PABPC4L: variants seen among roughly 807,000 people sequenced by gnomAD.
The protein encoded by PABPC4L is polyadenylate-binding protein 4-like.
For missense variants in PABPC4L, 452 were observed against 451.4 expected (o/e 1.00, Z -0.01); for synonymous variants, 169 against 164.1 (o/e 1.03, Z -0.23).
At chr4:134,104,180 C>T in the PABPC4L span, among the ~76,000 whole-genome samples, 213 of 151,874 alleles carry the variant, frequency 1.4e-3, no homozygotes, top group African/African-American at 4.9e-3. Context: ...GTGAATTTCT[C>T]TAGGCAGCCT....
At chr4:134,040,489 T>C in the PABPC4L span, among the ~76,000 whole-genome samples, 3 of 152,292 alleles carry the variant, frequency 2.0e-5, no homozygotes, top group East Asian at 5.8e-4. Context: ...GGTCTCCCTA[T>C]TTAATAAATG....
At chr4:133,951,133 C>T in the PABPC4L span, among the ~76,000 whole-genome samples, 6 of 152,100 alleles carry the variant, frequency 3.9e-5, no homozygotes, top group African/African-American at 1.4e-4. Context: ...CCATTAATGA[C>T]AACATAGCCA....
At chr4:133,978,163 A>C in the PABPC4L span, 1 of 152,348 alleles carries the variant, frequency 6.6e-6, no homozygotes, top group Admixed American at 6.5e-5. Flanking sequence ...AGCAACAAGT[A>C]TGTTACAGGC....
At chr4:134,142,720 G>T in the PABPC4L span, among the ~76,000 whole-genome samples, 1 of 151,476 alleles carries the variant, frequency 6.6e-6, no homozygotes, top group Non-Finnish European at 1.5e-5. Flanking sequence ...GGAGGACTTA[G>T]AAGAAGGAAT....
At chr4:134,044,294 C>T in the PABPC4L span, among the ~76,000 whole-genome samples, 5 of 152,054 alleles carry the variant, frequency 3.3e-5, no homozygotes, top group East Asian at 9.7e-4. Flanking sequence ...GAGAGAGTCT[C>T]ACTCTGTCGC....
chr4:133,980,198 A>G, the PABPC4L span, among the ~76,000 whole-genome samples: 1 of 152,192 alleles, frequency 6.6e-6, no homozygotes, highest in Admixed American at 6.6e-5. Flanking sequence ...TTTTTGTATA[A>G]TAATTAATCA....
chr4:134,180,157 C>T, the PABPC4L span, among the ~76,000 whole-genome samples: 2 of 152,052 alleles, frequency 1.3e-5, no homozygotes. Context: ...AAACAATCCT[C>T]AGCAAATTCA....
chr4:134,078,319 G>A, the PABPC4L span, among the ~76,000 whole-genome samples: 1,454 of 152,204 alleles, frequency 9.6e-3, 26 homozygotes, highest in African/African-American at 0.033. Context: ...AATAACAGAC[G>A]TGGGCTGCTT....
chr4:134,124,404 A>G, the PABPC4L span, among the ~76,000 whole-genome samples: 3 of 152,072 alleles, frequency 2.0e-5, no homozygotes, highest in Non-Finnish European at 4.4e-5. Flanking sequence ...CTGGGTCCCC[A>G]AAAGTTTACT....
chr4:134,183,654 T>C, the PABPC4L span, among the ~76,000 whole-genome samples: 1 of 151,854 alleles, frequency 6.6e-6, no homozygotes, highest in Non-Finnish European at 1.5e-5. Context: ...TAGAAGTAAA[T>C]GTGTTTCCAT....
At chr4:134,046,297 G>C in the PABPC4L span, among the ~76,000 whole-genome samples, 7 of 152,260 alleles carry the variant, frequency 4.6e-5, no homozygotes, top group Admixed American at 4.6e-4. Context: ...AAGGTACTAT[G>C]CCTGGATGTG....
At chr4:133,994,758 T>C in the PABPC4L span, among the ~76,000 whole-genome samples, 1 of 152,186 alleles carries the variant, frequency 6.6e-6, no homozygotes, top group Admixed American at 6.5e-5. Context: ...GGACCCAGTA[T>C]GGTAAAAGTA....
At chr4:134,169,995 G>A in the PABPC4L span, among the ~76,000 whole-genome samples, 14 of 152,126 alleles carry the variant, frequency 9.2e-5, no homozygotes. Flanking sequence ...CACAGTAACT[G>A]TAGTAACTGA....
the PABPC4L span, among the ~76,000 whole-genome samples, chr4:134,019,561 T>C: frequency 1.3e-5 from 2 of 152,152 alleles, no homozygotes; most frequent in South Asian, 2.1e-4. Flanking sequence ...TCGGTAGCTA[T>C]AAGTTATAGC....
Position 134,197,801 on chromosome 4 carries a change from G to A in PABPC4L, c.*2106C>T, listed in dbSNP as rs1729712817. ...GACCAACAGCTTAAAAAAAACCCTT[G>A]TTTCTTGGAGCATATGGAAATAGGC... On this transcript the variant is annotated 3_prime_UTR_variant, in exon 2 of 2. Coordinates refer to ENST00000421491, the MANE Select transcript of PABPC4L (RefSeq NM_001114734.2). 6.6e-6 allele frequency: 1 copy of A among 151,562 alleles called. No homozygotes were observed. The highest frequency in any genetic ancestry group is 6.6e-5 in the Admixed American group (1 of 15,204). 9.4% of individuals were successfully genotyped at this position (151,562 alleles called of 1,614,324 possible).
the PABPC4L span, among the ~76,000 whole-genome samples, chr4:134,020,731 A>C: frequency 6.6e-6 from 1 of 152,124 alleles, no homozygotes; most frequent in East Asian, 1.9e-4. Context: ...ACATTAGGCC[A>C]AACAGATCAT....
the PABPC4L span, among the ~76,000 whole-genome samples, chr4:133,980,209 T>C: frequency 6.6e-6 from 1 of 152,204 alleles, no homozygotes; most frequent in Non-Finnish European, 1.5e-5. Flanking sequence ...TAATTAATCA[T>C]TATTCTACAG....
At chr4:134,111,179 A>C in the PABPC4L span, among the ~76,000 whole-genome samples, 1 of 152,144 alleles carries the variant, frequency 6.6e-6, no homozygotes, top group South Asian at 2.1e-4. Flanking sequence ...TGTCTTCACA[A>C]GGCAGAAGGG....
rs565376344 is a variant in PABPC4L, at chr4:134,196,341, T to C, written c.*3566A>G. On this transcript the variant is annotated 3_prime_UTR_variant, in exon 2 of 2. Coordinates refer to ENST00000421491, the MANE Select transcript of PABPC4L (RefSeq NM_001114734.2). ...ATCATTTTCAAACATGCTTTCACCT[T>C]TGAAATATTAGATTTTATTTGACAT... 3.3e-5 allele frequency: 5 copies of C among 151,676 alleles called. No individual in the cohort carries two copies. Among genetic ancestry groups the C allele is most frequent in the African/African-American group, 1.2e-4 (5 of 41,420 alleles). 9.4% of individuals were successfully genotyped at this position (151,676 alleles called of 1,614,324 possible). A position where few individuals can be genotyped will look rare whatever the true frequency, so the allele number is the denominator to read the frequency against.
Sources: gnomAD v4.1 joint callset for allele counts (sites outside exome capture counted in the v4.1 genomes callset) on GRCh38, gnomAD v4.1.1 for gene constraint, MANE v1.5 for transcripts, NCBI Gene and HGNC (gene_info 2026-07-23, HGNC 2026-07-21) for gene names.